Variants in NKAIN3 observed in about 807,000 individuals in gnomAD.
NKAIN3 encodes the protein sodium/potassium-transporting ATPase subunit beta-1-interacting protein 3.
In NKAIN3, 25 loss-of-function variants were observed where a neutral mutation model predicts 30.2. That is an observed-to-expected ratio of 0.83 (90% confidence interval 0.60 to 1.16). The LOEUF is 1.16. Ranked by LOEUF, NKAIN3 falls within the 50% of genes most tolerant of loss-of-function variation. NKAIN3 has a pLI of 0.00. For missense variants in NKAIN3, 225 were observed against 254.1 expected (o/e 0.89, Z 0.78); for synonymous variants, 91 against 89.6 (o/e 1.02, Z -0.09).
At chr8:62,400,848 C>G (rs1803838749) in intron 1 of NKAIN3, among the ~76,000 whole-genome samples, 1 of 152,052 alleles carries the variant, frequency 6.6e-6, no homozygotes, top group Non-Finnish European at 1.5e-5. Context: ...AGAATCCTTT[C>G]TTTATCCTTG....
intron 4 of NKAIN3, among the ~76,000 whole-genome samples, chr8:62,845,773 G>A (rs779255212): frequency 3.9e-5 from 6 of 151,930 alleles, no homozygotes; most frequent in Admixed American, 2.6e-4. Context: ...CAGTGTATTC[G>A]GAAAAGAAAA....
intron 1 of NKAIN3, among the ~76,000 whole-genome samples, chr8:62,420,706 G>C (rs1804609269): frequency 6.6e-6 from 1 of 151,972 alleles, no homozygotes; most frequent in African/African-American, 2.4e-5. Flanking sequence ...TTTATATTAA[G>C]ATTAACCAAA....
chr8:62,427,261 A>G (rs1027402296), intron 1 of NKAIN3, among the ~76,000 whole-genome samples: 1 of 152,008 alleles, frequency 6.6e-6, no homozygotes, highest in Non-Finnish European at 1.5e-5. Flanking sequence ...ATATTACAAG[A>G]GACTCAAAAA....
intron 1 of NKAIN3, among the ~76,000 whole-genome samples, chr8:62,491,864 A>G (rs1807076362): frequency 6.6e-6 from 1 of 152,104 alleles, no homozygotes; most frequent in Admixed American, 6.5e-5. Context: ...AAGCTGTGAG[A>G]AGAAAAAGAG....
At chr8:62,807,646 G>A (rs986704076) in intron 4 of NKAIN3, among the ~76,000 whole-genome samples, 9 of 147,724 alleles carry the variant, frequency 6.1e-5, no homozygotes, top group East Asian at 4.0e-4. Flanking sequence ...TCCACTTCCC[G>A]GGTTCAAGCA....
At position 62,264,283 on chromosome 8, in the gene NKAIN3, T is replaced by A. The variant is rs1443194597; in HGVS notation, c.54+15156T>A. On this transcript the variant is annotated intron_variant, in intron 1 of 6. Coordinates refer to ENST00000623646, the MANE Select transcript of NKAIN3 (RefSeq NM_001304533.3). The stretch of plus-strand genomic sequence containing the variant: ...TCTGCCCTGTTTTCTCCATTCCTGG[T>A]GTTATTGTCCCACTTTGCATGTTCT... Among the ~76,000 whole-genome samples the A allele has an allele frequency of 3.9e-5, 6 of 152,304 alleles. No individual in the cohort carries two copies. In the East Asian group the frequency reaches 1.2e-3, roughly 29 times the overall value.
intron 5 of NKAIN3, chr8:62,990,684 T>G (rs1455840624): frequency 1.3e-5 from 2 of 152,378 alleles, no homozygotes; most frequent in Non-Finnish European, 2.9e-5. Flanking sequence ...TTTCAACAAG[T>G]AGTTATTGAA....
At chr8:62,704,906 A>G (rs1337848585) in intron 3 of NKAIN3, among the ~76,000 whole-genome samples, 2 of 152,190 alleles carry the variant, frequency 1.3e-5, no homozygotes, top group Non-Finnish European at 2.9e-5. Flanking sequence ...TAATAGAAGG[A>G]ATCTAAGAAG....
At chr8:62,738,047 G>A (rs1057466840) in intron 3 of NKAIN3, among the ~76,000 whole-genome samples, 2 of 152,026 alleles carry the variant, frequency 1.3e-5, no homozygotes, top group Non-Finnish European at 2.9e-5. Context: ...AGGATTGCTG[G>A]GTCAAATGGT....
intron 1 of NKAIN3, among the ~76,000 whole-genome samples, chr8:62,574,514 A>C (rs1810046234): frequency 6.6e-6 from 1 of 152,134 alleles, no homozygotes; most frequent in Non-Finnish European, 1.5e-5. Flanking sequence ...ACATTACCTG[A>C]CTTCAAATTA....
intron 3 of NKAIN3, among the ~76,000 whole-genome samples, chr8:62,706,230 A>G (rs1477207951): frequency 2.0e-5 from 3 of 152,044 alleles, no homozygotes; most frequent in Non-Finnish European, 4.4e-5. Context: ...ATGAATCCCC[A>G]TGTTGTCAGT....
chr8:62,511,453 C>T (rs1053203966), intron 1 of NKAIN3, among the ~76,000 whole-genome samples: 10 of 152,154 alleles, frequency 6.6e-5, no homozygotes, highest in Admixed American at 6.5e-5. Flanking sequence ...CCTCCTTGTA[C>T]CCCTCCGGCT....
chr8:62,605,315 G>A (rs1445246914), intron 3 of NKAIN3, among the ~76,000 whole-genome samples: 1 of 151,968 alleles, frequency 6.6e-6, no homozygotes, highest in South Asian at 2.1e-4. Context: ...ATAACTCAAC[G>A]GAGCTTTCAG....
intron 4 of NKAIN3, among the ~76,000 whole-genome samples, chr8:62,824,662 G>T (rs1285267982): frequency 6.6e-6 from 1 of 152,022 alleles, no homozygotes; most frequent in Non-Finnish European, 1.5e-5. Flanking sequence ...TATGTATATT[G>T]CAATTTCCAT....
At chr8:62,633,692 C>G (rs1365731110) in intron 3 of NKAIN3, among the ~76,000 whole-genome samples, 1 of 152,172 alleles carries the variant, frequency 6.6e-6, no homozygotes, top group Non-Finnish European at 1.5e-5. Context: ...AGCACAGATG[C>G]CACGCTGTCT....
chr8:62,774,186 T>G (rs982946768), intron 4 of NKAIN3, among the ~76,000 whole-genome samples: 1 of 152,212 alleles, frequency 6.6e-6, no homozygotes, highest in Non-Finnish European at 1.5e-5. Context: ...GAGATTACTT[T>G]CTTGGTTTCT....
chr8:62,771,394 G>A (rs1023101840), intron 4 of NKAIN3, among the ~76,000 whole-genome samples: 2 of 152,062 alleles, frequency 1.3e-5, no homozygotes, highest in Non-Finnish European at 2.9e-5. Flanking sequence ...AAATTGAAAT[G>A]AAAAGTTCAC....
rs1823967297 is a variant in NKAIN3 at position 62,977,409 on chromosome 8, T to G, written c.*12002T>G. On this transcript the variant is annotated 3_prime_UTR_variant, in exon 7 of 7. Transcript: ENST00000623646. ...GTTCATTCCTTTTCCATTTTTTTCTTCTAATCTTGTCTTCATGCTTTATTT... is the reference window on the plus strand; with the variant it reads ...GTTCATTCCTTTTCCATTTTTTTCTGCTAATCTTGTCTTCATGCTTTATTT... Among the ~76,000 whole-genome samples the G allele has an allele frequency of 6.6e-6, 1 of 151,974 alleles. No individual in the cohort carries two copies. Among genetic ancestry groups the G allele is most frequent in the Admixed American group, 6.6e-5 (1 of 15,250 alleles).
rs566791013 is a variant in NKAIN3 at position 62,859,693 on chromosome 8, T to C, written c.472-58760T>C. 2.6e-5 allele frequency among the ~76,000 whole-genome samples: 4 copies of C among 152,130 alleles called. No homozygotes were observed. The South Asian group carries it at 8.3e-4, about 32-fold the overall frequency. On this transcript the variant is annotated intron_variant, in intron 4 of 6. Transcript: ENST00000623646. ...TTGCTATATTTCCCTATATTCTTTA[T>C]AGTAAATCCTACAAGATTTACTTAC... is the stretch of plus-strand genomic sequence containing the variant.
Sources: allele counts gnomAD v4.1 joint callset (sites outside exome capture counted in the v4.1 genomes callset), GRCh38; gene constraint gnomAD v4.1.1; transcripts MANE v1.5; gene names NCBI Gene and HGNC (gene_info 2026-07-23, HGNC 2026-07-21).